The following C1orf122 variants were observed in gnomAD, a reference collection of about 807,000 sequenced individuals.
C1orf122 encodes the protein chromosome 1 open reading frame 122.
In C1orf122, 12 loss-of-function variants were observed where a neutral mutation model predicts 12.9. The observed-to-expected ratio is 0.93, with a 90% CI of 0.60 to 1.51. C1orf122 has a LOEUF of 1.51. Ranked by LOEUF, C1orf122 falls within the 40% of genes most tolerant of loss-of-function variation. The pLI is 0.00. For missense variants in C1orf122, 144 were observed against 162.1 expected (o/e 0.89, Z 0.61); for synonymous variants, 57 against 73.4 (o/e 0.78, Z 1.14).
Position 37,808,307 on chromosome 1 carries a change from G to C in C1orf122, c.-98G>C. On this transcript the variant is annotated 5_prime_UTR_variant, in exon 1 of 3. Transcript: ENST00000373042. ...CCCCCAGGAGGATTGAAGGAGACCG[G>C]TGGGGACGGGGCGGGGCGCAGCCTT... The C allele has an allele frequency of 7.8e-7, 1 of 1,283,884 alleles. No homozygotes were observed. The highest frequency in any genetic ancestry group is 2.4e-5 in the South Asian group (1 of 41,584). The allele number at this position is 1,283,884 out of a possible 1,614,324, so 79.5% of individuals were successfully genotyped here.
Position 37,808,223 on chromosome 1 carries a change from G to A in C1orf122, c.-182G>A. ...CGGGAGGAAGTGACGCTCCCAGCCA[G>A]CTTCCGGTCCAGGAGACTCGGCCCC... On this transcript the variant is annotated 5_prime_UTR_variant, in exon 1 of 3. Transcript: ENST00000373042. The A allele has an allele frequency of 2.9e-6, 4 of 1,397,452 alleles. No homozygotes were observed. Among genetic ancestry groups the A allele is most frequent in the Non-Finnish European group, 3.7e-6 (4 of 1,079,772 alleles). 86.6% of individuals were successfully genotyped at this position (1,397,452 alleles called of 1,614,324 possible).
Position 37,809,133 on chromosome 1 carries a change from G to C in C1orf122, c.*60G>C, listed in dbSNP as rs996235814. The C allele has an allele frequency of 7.0e-6, 11 of 1,571,438 alleles. No individual in the cohort carries two copies. In the African/African-American group the frequency reaches 1.4e-4, roughly 19 times the overall value. On this transcript the variant is annotated 3_prime_UTR_variant, in exon 3 of 3. Transcript: ENST00000373042. ...TCCCCAGGGCCGGTGGCTGGACTCT[G>C]AACAACTCCCTTCAGTAAAGGGGCC...
chr1:37,807,963 GCGGCCCGCAGCGCCTCGGTCCAGC>G lies in C1orf122; in HGVS notation c.-437_-414del. 1 of 1,217,622 alleles carries G rather than the reference GCGGCCCGCAGCGCCTCGGTCCAGC, an allele frequency of 8.2e-7. No individual in the cohort carries two copies. Among genetic ancestry groups the G allele is most frequent in the East Asian group, 3.3e-5 (1 of 30,396 alleles). The allele number at this position is 1,217,622 out of a possible 1,614,324, so 75.4% of individuals were successfully genotyped here. A position where few individuals can be genotyped will look rare whatever the true frequency, so the allele number is the denominator to read the frequency against. On this transcript the variant is annotated 5_prime_UTR_variant, in exon 1 of 3. Transcript: ENST00000373042. The stretch of plus-strand genomic sequence containing the variant: ...GGCGCCGGCGCGCAGCTCGGCCACG[GCGGCCCGCAGCGCCTCGGTCCAGC>G]CGGCGCGCTCCGGGCTCGCGGCCTG...
In C1orf122 at chr1:37,808,166, A is replaced by C; in HGVS notation, c.-239A>C. On this transcript the variant is annotated 5_prime_UTR_variant, in exon 1 of 3. Coordinates refer to ENST00000373042, the MANE Select transcript of C1orf122 (RefSeq NM_198446.3). ...CCGCGGCCCTCATCCCCCTGCACCG[A>C]CGCGCCGGAGACATCCGCCCAGGCC... The C allele has an allele frequency of 7.5e-6, 11 of 1,457,802 alleles. No individual in the cohort carries two copies. The highest frequency in any genetic ancestry group is 9.0e-6 in the Non-Finnish European group (10 of 1,109,460). The allele number at this position is 1,457,802 out of a possible 1,614,324, so 90.3% of individuals were successfully genotyped here.
At position 37,808,240 on chromosome 1, in the gene C1orf122, C is replaced by G. The variant is rs1017011904; in HGVS notation, c.-165C>G. ...CCCAGCCAGCTTCCGGTCCAGGAGACTCGGCCCCGCCTCTGCGCCGGGCAG... is the reference window on the plus strand; with the variant it reads ...CCCAGCCAGCTTCCGGTCCAGGAGAGTCGGCCCCGCCTCTGCGCCGGGCAG... On this transcript the variant is annotated 5_prime_UTR_variant, in exon 1 of 3. Transcript: ENST00000373042. 2 of 1,365,986 alleles carry G rather than the reference C, an allele frequency of 1.5e-6. No homozygotes were observed. Among genetic ancestry groups the G allele is most frequent in the Middle Eastern group, 5.5e-4 (2 of 3,652 alleles). The allele number at this position is 1,365,986 out of a possible 1,614,324, so 84.6% of individuals were successfully genotyped here.
Position 37,809,268 on chromosome 1 carries a change from A to C in C1orf122, c.*195A>C, listed in dbSNP as rs1260855440. 1 of 768,346 alleles carries C rather than the reference A, an allele frequency of 1.3e-6. No homozygotes were observed. The allele number at this position is 768,346 out of a possible 1,614,324, so 47.6% of individuals were successfully genotyped here. On this transcript the variant is annotated 3_prime_UTR_variant, in exon 3 of 3. Coordinates refer to ENST00000373042, the MANE Select transcript of C1orf122 (RefSeq NM_198446.3). Reference sequence around the variant, plus strand: ...TGGCTGAAAGCAGTGCTGTGCTTTGAAATGCAGCCAATGAATACCCAGTCT... The same window carrying C: ...TGGCTGAAAGCAGTGCTGTGCTTTGCAATGCAGCCAATGAATACCCAGTCT...
intron 2 of C1orf122, 104 bp from the exon 3 acceptor site, chr1:37,808,874 C>G (rs1204883616): frequency 6.9e-7 from 1 of 1,457,400 alleles, no homozygotes; most frequent in South Asian, 1.3e-5. Flanking sequence ...TGAGAGGTTT[C>G]GAAAAAGTTA....
Position 37,809,116 on chromosome 1 carries a change from G to A in C1orf122, c.*43G>A. ...ACCCTGACTTCTCTCCCTCCCCAGG[G>A]CCGGTGGCTGGACTCTGAACAACTC... On this transcript the variant is annotated 3_prime_UTR_variant, in exon 3 of 3. Coordinates refer to ENST00000373042, the MANE Select transcript of C1orf122 (RefSeq NM_198446.3). 2 of 1,602,794 alleles carry A rather than the reference G, an allele frequency of 1.2e-6. No individual in the cohort carries two copies. Among genetic ancestry groups the A allele is most frequent in the Non-Finnish European group, 8.5e-7 (1 of 1,169,614 alleles).
Position 37,808,636 on chromosome 1 carries a change from G to A in C1orf122, c.141G>A (p.Val47=), listed in dbSNP as rs1646762199. The A allele has an allele frequency of 1.5e-6, 2 of 1,330,980 alleles. No individual in the cohort carries two copies. Among genetic ancestry groups the A allele is most frequent in the Non-Finnish European group, 1.9e-6 (2 of 1,043,698 alleles). 82.4% of individuals were successfully genotyped at this position (1,330,980 alleles called of 1,614,324 possible). Residue 47 remains valine, a synonymous_variant, in exon 2 of 3, where the codon GTG becomes GTA. Transcript: ENST00000373042. ...EERAQQLLDA[V]EQRQRQLLDT... is the part of the protein sequence containing the mutation. ...GCGCCCAGCAGCTGCTGGACGCGGT[G>A]GAGCAGCGGCAGCGGCAGCTCCTGG...
rs2148392477 is a variant in C1orf122 at position 37,808,073 on chromosome 1, C to T, written c.-332C>T. 2 of 1,358,680 alleles carry T rather than the reference C, an allele frequency of 1.5e-6. No individual in the cohort carries two copies. Among genetic ancestry groups the T allele is most frequent in the Non-Finnish European group, 1.9e-6 (2 of 1,061,458 alleles). The allele number at this position is 1,358,680 out of a possible 1,614,324, so 84.2% of individuals were successfully genotyped here. ...CGCCGGGGGCCGCCGGAGCGGGACT[C>T]GGCGGGCGGAAGAGGCGACCGCTCC... is the stretch of plus-strand genomic sequence containing the variant. On this transcript the variant is annotated 5_prime_UTR_variant, in exon 1 of 3. Coordinates refer to ENST00000373042, the MANE Select transcript of C1orf122 (RefSeq NM_198446.3).
Position 37,808,834 on chromosome 1 carries a change from C to T in C1orf122, c.237+102C>T, listed in dbSNP as rs1646764283. 13 of 1,440,038 alleles carry T rather than the reference C, an allele frequency of 9.0e-6. No individual in the cohort carries two copies. In the South Asian group the frequency reaches 1.1e-4, roughly 12 times the overall value. 89.2% of individuals were successfully genotyped at this position (1,440,038 alleles called of 1,614,324 possible). A position where few individuals can be genotyped will look rare whatever the true frequency, so the allele number is the denominator to read the frequency against. ...CCTGGAGGGGGGAAGTATGTCTCCG[C>T]CGCTTTATCCCTAACCTCCTTTGAT... On this transcript the variant is annotated intron_variant, in intron 2 of 2. Coordinates refer to ENST00000373042, the MANE Select transcript of C1orf122 (RefSeq NM_198446.3).
Position 37,807,967 on chromosome 1 carries a change from C to T in C1orf122, c.-438C>T, listed in dbSNP as rs909011520. The T allele has an allele frequency of 3.3e-6, 4 of 1,216,542 alleles. No individual in the cohort carries two copies. The highest frequency in any genetic ancestry group is 4.1e-6 in the Non-Finnish European group (4 of 978,544). 75.4% of individuals were successfully genotyped at this position (1,216,542 alleles called of 1,614,324 possible). ...CCGGCGCGCAGCTCGGCCACGGCGG[C>T]CCGCAGCGCCTCGGTCCAGCCGGCG... On this transcript the variant is annotated 5_prime_UTR_variant, in exon 1 of 3. Coordinates refer to ENST00000373042, the MANE Select transcript of C1orf122 (RefSeq NM_198446.3).
rs1372707128 is a variant in C1orf122 at position 37,808,630 on chromosome 1, C to A, written c.135C>A (p.Asp45Glu). The change falls in exon 2 of 3, where the codon GAC (aspartate) becomes GAA (glutamate). Residue 45 changes from aspartate to glutamate, a missense_variant. Asp to Glu is a conservative substitution (Grantham distance 45). Coordinates refer to ENST00000373042, the MANE Select transcript of C1orf122 (RefSeq NM_198446.3). ...PREERAQQLL[D>E]AVEQRQRQLL... Reference sequence around the variant, plus strand: ...AGGAGCGCGCCCAGCAGCTGCTGGACGCGGTGGAGCAGCGGCAGCGGCAGC... The same window carrying A: ...AGGAGCGCGCCCAGCAGCTGCTGGAAGCGGTGGAGCAGCGGCAGCGGCAGC... 7.9e-5 allele frequency: 104 copies of A among 1,320,038 alleles called. No homozygotes were observed. The highest frequency in any genetic ancestry group is 9.7e-5 in the Non-Finnish European group (101 of 1,037,188). 81.8% of individuals were successfully genotyped at this position (1,320,038 alleles called of 1,614,324 possible). A position where few individuals can be genotyped will look rare whatever the true frequency, so the allele number is the denominator to read the frequency against.
At position 37,808,437 on chromosome 1, in the gene C1orf122, G is replaced by C. The variant is rs1156993496; in HGVS notation, c.33G>C (p.Arg11=). ...GGGGCCCGGGCTCAGACTGGTCACG[G>C]GGGTGAGAGGGGGCCCGTCGGGGCG... MEWGPGSDWS[R]GEAAGVDRGK... Residue 11 remains arginine, a splice_region_variant and synonymous_variant, in exon 1 of 3, where the codon CGG becomes CGC. Coordinates refer to ENST00000373042, the MANE Select transcript of C1orf122 (RefSeq NM_198446.3). 4.2e-5 allele frequency: 54 copies of C among 1,283,958 alleles called. No homozygotes were observed. The highest frequency in any genetic ancestry group is 5.0e-5 in the Non-Finnish European group (51 of 1,017,022). 79.5% of individuals were successfully genotyped at this position (1,283,958 alleles called of 1,614,324 possible). A position where few individuals can be genotyped will look rare whatever the true frequency, so the allele number is the denominator to read the frequency against.
rs1298561614 is a variant in C1orf122, at chr1:37,808,965, C to T, written c.238-13C>T. On this transcript the variant is annotated splice_polypyrimidine_tract_variant and intron_variant, in intron 2 of 2. Transcript: ENST00000373042. ...CCTCCCAGCCTCACTTTTTTCCTTT[C>T]TGTTCCAACTAGAACGTCTCAGCCA... 3.1e-6 allele frequency: 5 copies of T among 1,608,054 alleles called. No individual in the cohort carries two copies. Among genetic ancestry groups the T allele is most frequent in the Middle Eastern group, 1.7e-4 (1 of 6,022 alleles).
chr1:37,808,952 A>T, intron 2 of C1orf122, 26 bp from the exon 3 acceptor site: 1 of 1,606,176 alleles, frequency 6.2e-7, no homozygotes, highest in Non-Finnish European at 8.5e-7. Flanking sequence ...TCCCAGCCTC[A>T]CTTTTTTCCT....
intron 2 of C1orf122, 56 bp from the exon 3 acceptor site, chr1:37,808,922 G>T: frequency 6.4e-7 from 1 of 1,564,608 alleles, no homozygotes; most frequent in Non-Finnish European, 8.7e-7. Context: ...TCCTTGTGGG[G>T]CCTAATCCAA....
chr1:37,809,272 G>C lies in C1orf122; in HGVS notation c.*199G>C. 5.3e-6 allele frequency: 4 copies of C among 757,972 alleles called. No homozygotes were observed. Among genetic ancestry groups the C allele is most frequent in the Middle Eastern group, 2.9e-4 (1 of 3,410 alleles). 47.0% of individuals were successfully genotyped at this position (757,972 alleles called of 1,614,324 possible). A position where few individuals can be genotyped will look rare whatever the true frequency, so the allele number is the denominator to read the frequency against. ...TGAAAGCAGTGCTGTGCTTTGAAAT[G>C]CAGCCAATGAATACCCAGTCTGATT... is the stretch of plus-strand genomic sequence containing the variant. On this transcript the variant is annotated 3_prime_UTR_variant, in exon 3 of 3. Coordinates refer to ENST00000373042, the MANE Select transcript of C1orf122 (RefSeq NM_198446.3).
Position 37,808,057 on chromosome 1 carries a change from C to A in C1orf122, c.-348C>A. The A allele has an allele frequency of 7.5e-7, 1 of 1,326,010 alleles. No homozygotes were observed. Among genetic ancestry groups the A allele is most frequent in the Non-Finnish European group, 9.6e-7 (1 of 1,043,330 alleles). The allele number at this position is 1,326,010 out of a possible 1,614,324, so 82.1% of individuals were successfully genotyped here. A position where few individuals can be genotyped will look rare whatever the true frequency, so the allele number is the denominator to read the frequency against. On this transcript the variant is annotated 5_prime_UTR_variant, in exon 1 of 3. Coordinates refer to ENST00000373042, the MANE Select transcript of C1orf122 (RefSeq NM_198446.3). ...AGCCGCAACAGCCGGGCGCCGGGGG[C>A]CGCCGGAGCGGGACTCGGCGGGCGG... is the stretch of plus-strand genomic sequence containing the variant.
Sources: gnomAD v4.1 joint callset for allele counts on GRCh38, gnomAD v4.1.1 for gene constraint, MANE v1.5 for transcripts, NCBI Gene and HGNC (gene_info 2026-07-23, HGNC 2026-07-21) for gene names.